MYO18A: variants seen among roughly 807,000 people sequenced by gnomAD.
MYO18A encodes myosin XVIIIA.
A neutral mutation model predicts 235.8 loss-of-function variants in MYO18A; 78 were observed. That is an observed-to-expected ratio of 0.33 (90% CI 0.28 to 0.40). The LOEUF is 0.40. MYO18A is among the 10% of genes least tolerant of loss of function. MYO18A has a pLI of 1.00. For missense variants in MYO18A, 2,215 were observed against 2,699.3 expected (o/e 0.82, Z 3.98); for synonymous variants, 977 against 1,077.8 (o/e 0.91, Z 1.83).
chr17:29,107,001 G>C, intron 20 of MYO18A, 79 bp downstream of exon 20: 1 of 1,361,044 alleles, frequency 7.3e-7, no homozygotes, highest in Non-Finnish European at 1.0e-6. Context: ...TCCAGGGAAG[G>C]GAAGGCAGAT....
intron 2 of MYO18A, chr17:29,124,557 G>A (rs2067274831): frequency 3.1e-6 from 3 of 954,702 alleles, no homozygotes; most frequent in Non-Finnish European, 4.1e-6. Flanking sequence ...TCCAGCAGGA[G>A]GCCCGAGCAC....
intron 34 of MYO18A, 83 bp downstream of exon 34, chr17:29,092,260 T>G: frequency 1.0e-6 from 1 of 1,000,952 alleles, no homozygotes; most frequent in Non-Finnish European, 1.5e-6. Flanking sequence ...TGGAGGGACC[T>G]GTCTAGGGTG....
At chr17:29,128,001 C>G in intron 2 of MYO18A, 1 of 999,426 alleles carries the variant, frequency 1.0e-6, no homozygotes, top group Non-Finnish European at 1.2e-6. Context: ...GGGGATCCTG[C>G]TTTCTCAGGG....
rs370572189 is a variant in MYO18A at position 29,095,063 on chromosome 17, C to A, written c.4386-4G>T. The A allele has an allele frequency of 1.0e-5, 16 of 1,529,648 alleles. No individual in the cohort carries two copies. In the African/African-American group the frequency reaches 1.2e-4, roughly 12 times the overall value. The allele number at this position is 1,529,648 out of a possible 1,614,324, so 94.8% of individuals were successfully genotyped here. A position where few individuals can be genotyped will look rare whatever the true frequency, so the allele number is the denominator to read the frequency against. On this transcript the variant is annotated splice_region_variant and splice_polypyrimidine_tract_variant and intron_variant, in intron 28 of 41. Coordinates refer to ENST00000527372, the MANE Select transcript of MYO18A (RefSeq NM_078471.4). ...CTGCGAGAGCTCACTGTCAAACCTGCGAGGGAGTGTGGCGGCTCCATCAGA... is the reference window on the plus strand; with the variant it reads ...CTGCGAGAGCTCACTGTCAAACCTGAGAGGGAGTGTGGCGGCTCCATCAGA...
In MYO18A at chr17:29,120,886, T is replaced by G. The variant is rs2067181516; in HGVS notation, c.1585+112A>C. 1.9e-6 allele frequency: 3 copies of G among 1,561,800 alleles called. No individual in the cohort carries two copies. The Admixed American group carries it at 5.2e-5, about 27-fold the overall frequency. ...AGAACTGCCCGTGGACAGAGGGGTT[T>G]CGGGGGGATGGAAAGGCCAGGGAGA... is the stretch of plus-strand genomic sequence containing the variant. On this transcript the variant is annotated intron_variant, in intron 6 of 41. Transcript: ENST00000527372. This position sits in a 1 kb window ranked among gnomAD's most constrained non-coding sequence, Gnocchi z 4.2.
intron 41 of MYO18A, chr17:29,075,256 T>C: frequency 4.3e-6 from 1 of 232,786 alleles, no homozygotes; most frequent in Non-Finnish European, 9.4e-6. Flanking sequence ...TTTCAGTCCT[T>C]CCCCAGAAGG....
intron 2 of MYO18A, among the ~76,000 whole-genome samples, chr17:29,163,108 A>C (rs1406567696): frequency 6.6e-6 from 1 of 152,234 alleles, no homozygotes; most frequent in Non-Finnish European, 1.5e-5. Flanking sequence ...GGTGGCCAGC[A>C]AGAGCTGTCC....
At chr17:29,086,721 G>T in intron 38 of MYO18A, 144 bp from the exon 39 acceptor site, 2 of 1,242,148 alleles carry the variant, frequency 1.6e-6, no homozygotes, top group East Asian at 2.5e-5. Context: ...CCGCTCTGTT[G>T]CTGCTGGGCT....
Position 29,117,736 on chromosome 17 carries a change from A to G in MYO18A, c.2038+309T>C, listed in dbSNP as rs974701876. 3.3e-5 allele frequency among the ~76,000 whole-genome samples: 5 copies of G among 152,022 alleles called. No homozygotes were observed. Among genetic ancestry groups the G allele is most frequent in the Non-Finnish European group, 7.4e-5 (5 of 67,982 alleles). On this transcript the variant is annotated intron_variant, in intron 10 of 41. Coordinates refer to ENST00000527372, the MANE Select transcript of MYO18A (RefSeq NM_078471.4). This position sits in a 1 kb window ranked among gnomAD's most constrained non-coding sequence, Gnocchi z 4.6. ...CTGTCAGGAAGGGAACAAGAAGGAG[A>G]GTTATTCCAGCGGGGCTGCCCTGCC...
At chr17:29,128,443 T>G (rs1217595659) in intron 2 of MYO18A, 1 of 1,289,222 alleles carries the variant, frequency 7.8e-7, no homozygotes, top group Admixed American at 2.3e-5. Context: ...CGAGTGTGGG[T>G]GCAGGGCTCC....
At chr17:29,112,008 T>G in intron 15 of MYO18A, 145 bp from the exon 16 acceptor site, 1 of 1,072,718 alleles carries the variant, frequency 9.3e-7, no homozygotes, top group Non-Finnish European at 1.3e-6. Flanking sequence ...TGCCGCTCAC[T>G]GCTGACACCT....
chr17:29,082,340 T>A lies in MYO18A; in HGVS notation c.5996A>T (p.Asp1999Val). The A allele has an allele frequency of 6.2e-7, 1 of 1,613,944 alleles. No individual in the cohort carries two copies. Among genetic ancestry groups the A allele is most frequent in the African/African-American group, 1.3e-5 (1 of 75,056 alleles). The change falls in exon 41 of 42, where the codon GAT becomes GTT. Residue 1999 changes from aspartate (D) to valine (V), a missense_variant. Asp to Val is a radical substitution (Grantham distance 152). Transcript: ENST00000527372. ...CCTGGAACTCTTTAAGCTGCCATCA[T>A]CAGAAGCTGCCTTGGAAGGTCCCTT... ...KNKGPSKAASDDGSLKSSSPT... is the reference protein window; with the variant it reads ...KNKGPSKAASVDGSLKSSSPT...
At chr17:29,116,331 G>A in intron 11 of MYO18A, 113 bp downstream of exon 11, 1 of 1,262,090 alleles carries the variant, frequency 7.9e-7, no homozygotes, top group Non-Finnish European at 1.2e-6. Flanking sequence ...CCAACAGTGG[G>A]GAGGCAAAAA....
chr17:29,094,847 T>C lies in MYO18A; in HGVS notation c.4513A>G (p.Lys1505Glu). Reference protein sequence around the residue: ...AFSLKQQLEEKDMDIAGFTQK... With the variant: ...AFSLKQQLEEEDMDIAGFTQK... ...GTGAACCCTGCAATGTCCATGTCTTTTTCCTGGAGCAAAAGAGATGAGGCT... is the reference window on the plus strand; with the variant it reads ...GTGAACCCTGCAATGTCCATGTCTTCTTCCTGGAGCAAAAGAGATGAGGCT... Residue 1505 changes from lysine to glutamate, a missense_variant, in exon 30 of 42, where the codon AAA becomes GAA. Transcript: ENST00000527372. The C allele has an allele frequency of 6.2e-7, 1 of 1,614,026 alleles. No homozygotes were observed. Among genetic ancestry groups the C allele is most frequent in the South Asian group, 1.1e-5 (1 of 91,088 alleles).
Position 29,126,302 on chromosome 17 carries a change from AGGAGGGACGGGG to A in MYO18A, c.1000-4061_1000-4050del, listed in dbSNP as rs2067319663. On this transcript the variant is annotated intron_variant, in intron 2 of 41. Coordinates refer to ENST00000527372, the MANE Select transcript of MYO18A (RefSeq NM_078471.4). This position sits in a 1 kb window ranked among gnomAD's most constrained non-coding sequence, Gnocchi z 4.1. ...CTCCCATCTCCTCCCTTGTGAGAGG[AGGAGGGACGGGG>A]AGGAGGGACGGGGAGGAGGGAGGGG... Among the ~76,000 whole-genome samples, 1 of 26,280 alleles carries A rather than the reference AGGAGGGACGGGG, an allele frequency of 3.8e-5. No homozygotes were observed. Among genetic ancestry groups the A allele is most frequent in the African/African-American group, 3.3e-4 (1 of 2,986 alleles). The allele number at this position is 26,280 out of a possible 152,430, so 17.2% of individuals were successfully genotyped here. A position where few individuals can be genotyped will look rare whatever the true frequency, so the allele number is the denominator to read the frequency against.
In MYO18A at chr17:29,092,793, G is replaced by C. The variant is rs1017900432; in HGVS notation, c.5073+62C>G. The C allele has an allele frequency of 1.0e-4, 158 of 1,586,446 alleles. 1 individual carries two copies. Among genetic ancestry groups the C allele is most frequent in the Non-Finnish European group, 1.7e-5 (20 of 1,164,458 alleles). ...GAACCACTGAGAGGAGCGAGAGAGAGAAAGAGAATGGAAAGGTAAGCTCTG... is the reference window on the plus strand; with the variant it reads ...GAACCACTGAGAGGAGCGAGAGAGACAAAGAGAATGGAAAGGTAAGCTCTG... On this transcript the variant is annotated intron_variant, in intron 33 of 41. Transcript: ENST00000527372.
At chr17:29,170,855 A>C (rs1314349047) in intron 1 of MYO18A, among the ~76,000 whole-genome samples, 1 of 152,244 alleles carries the variant, frequency 6.6e-6, no homozygotes, top group Non-Finnish European at 1.5e-5. Flanking sequence ...AACAATGCTC[A>C]TATTCATGCA....
At chr17:29,173,664 G>A (rs982993603) in intron 1 of MYO18A, among the ~76,000 whole-genome samples, 4 of 152,206 alleles carry the variant, frequency 2.6e-5, no homozygotes, top group African/African-American at 9.7e-5. Context: ...GGGATTACAG[G>A]CGTGAGCCAC....
At chr17:29,176,112 C>T (rs2068520278) in intron 1 of MYO18A, among the ~76,000 whole-genome samples, 1 of 152,032 alleles carries the variant, frequency 6.6e-6, no homozygotes. Flanking sequence ...GTGGTCATCT[C>T]TGGAGAGTAG....
Sources: gnomAD v4.1 joint callset for allele counts (sites outside exome capture counted in the v4.1 genomes callset) on GRCh38, gnomAD v4.1.1 for gene constraint, Gnocchi (gnomAD v3.1) non-coding constraint, MANE v1.5 for transcripts, NCBI Gene and HGNC (gene_info 2026-07-23, HGNC 2026-07-21) for gene names.